Variants in NPAS3 observed in about 807,000 individuals in gnomAD.
The protein encoded by NPAS3 is neuronal PAS domain protein 3, also known as neuronal PAS domain-containing protein 3.
A neutral mutation model predicts 73.1 loss-of-function variants in NPAS3; 14 were observed. That is an observed-to-expected ratio of 0.19 (90% CI 0.13 to 0.30). The LOEUF is 0.30. Among genes scored for constraint, NPAS3 ranks in the 10% least tolerant of loss-of-function variants. The probability of loss-of-function intolerance (pLI) is 1.00; values close to 1 mark genes in which losing one functional copy is unlikely to be tolerated. For synonymous variants in NPAS3, 620 were observed against 541.5 expected (o/e 1.14, Z -2.01); for missense variants, 1,096 against 1,250.0 (o/e 0.88, Z 1.86).
intron 5 of NPAS3, among the ~76,000 whole-genome samples, chr14:33,563,513 T>C (rs7149690): frequency 7.4e-4 from 19 of 25,762 alleles, no homozygotes; most frequent in African/African-American, 2.4e-3. Context: ...CAGATACACA[T>C]ACATACACAC....
chr14:33,630,258 A>G (rs2058341949), intron 5 of NPAS3, among the ~76,000 whole-genome samples: 1 of 152,204 alleles, frequency 6.6e-6, no homozygotes, highest in African/African-American at 2.4e-5. Flanking sequence ...TCTCTTTTGC[A>G]CAACTTGTGG....
At position 33,307,593 on chromosome 14, in the gene NPAS3, A is replaced by ATGTGTG. The variant is rs10528551; in HGVS notation, c.386-59579_386-59574dup. Among the ~76,000 whole-genome samples, 733 of 139,028 alleles carry ATGTGTG rather than the reference A, an allele frequency of 5.3e-3. 9 individuals carry two copies. The highest frequency in any genetic ancestry group is 0.019 in the African/African-American group (701 of 37,248). 91.2% of individuals were successfully genotyped at this position (139,028 alleles called of 152,430 possible). On this transcript the variant is annotated intron_variant, in intron 3 of 11. Transcript: ENST00000356141. Reference sequence around the variant, plus strand: ...TTTCACCTCACCAGGTTTTTTTTCAATGTGTGTGTGTGTGTGTGTTCGTGT... The same window carrying ATGTGTG: ...TTTCACCTCACCAGGTTTTTTTTCAATGTGTGTGTGTGTGTGTGTGTGTGTTCGTGT...
At chr14:33,073,958 T>G (rs2041572020) in intron 2 of NPAS3, among the ~76,000 whole-genome samples, 1 of 152,076 alleles carries the variant, frequency 6.6e-6, no homozygotes, top group Non-Finnish European at 1.5e-5. Context: ...GAACATGGGG[T>G]GGGGTAGAGG....
intron 3 of NPAS3, among the ~76,000 whole-genome samples, chr14:33,288,893 T>C (rs1449329163): frequency 1.3e-5 from 2 of 152,090 alleles, no homozygotes; most frequent in Non-Finnish European, 2.9e-5. Flanking sequence ...TGAACCAACG[T>C]TGGGGAGTGC....
At chr14:33,090,754 C>A (rs1020573862) in intron 2 of NPAS3, among the ~76,000 whole-genome samples, 2 of 152,198 alleles carry the variant, frequency 1.3e-5, no homozygotes, top group African/African-American at 4.8e-5. Flanking sequence ...GGAAGTAAAG[C>A]ACTCCTTAGC....
intron 1 of NPAS3, among the ~76,000 whole-genome samples, chr14:32,944,369 A>C (rs934133846): frequency 3.3e-5 from 5 of 152,236 alleles, no homozygotes; most frequent in African/African-American, 1.2e-4. Context: ...GCTGAAACTT[A>C]GTAAATAAGT....
downstream of NPAS3, chr14:33,801,139 CCCGCTTG>C: frequency 3.9e-6 from 6 of 1,548,390 alleles, no homozygotes; most frequent in Admixed American, 4.1e-5. Context: ...CCGGCCAGGC[CCCGCTTG>C]GAGGAGGCAT....
chr14:32,955,073 C>T (rs1473561716), intron 1 of NPAS3, among the ~76,000 whole-genome samples: 1 of 151,938 alleles, frequency 6.6e-6, no homozygotes, highest in African/African-American at 2.4e-5. Flanking sequence ...TTGTATGTAC[C>T]ATAAGTTGTT....
intron 3 of NPAS3, among the ~76,000 whole-genome samples, chr14:33,257,949 T>A (rs1242512649): frequency 6.6e-6 from 1 of 152,210 alleles, no homozygotes; most frequent in Non-Finnish European, 1.5e-5. Flanking sequence ...AAAGATTATA[T>A]CTCAAGAGAT....
At position 33,221,959 on chromosome 14, in the gene NPAS3, G is replaced by A. The variant is rs371286530; in HGVS notation, c.385+6533G>A. Among the ~76,000 whole-genome samples the A allele has an allele frequency of 1.8e-4, 28 of 152,106 alleles. No individual in the cohort carries two copies. The East Asian group carries it at 4.7e-3, about 25-fold the overall frequency. On this transcript the variant is annotated intron_variant, in intron 3 of 11. Transcript: ENST00000356141. ...TTTAATCAAAATTTTACATCACATG[G>A]GAGCGCTCAGAAATGAAGACCCAGA...
chr14:32,941,356 C>T (rs1026202336), intron 1 of NPAS3, among the ~76,000 whole-genome samples: 1 of 129,856 alleles, frequency 7.7e-6, no homozygotes, highest in Non-Finnish European at 1.6e-5. Flanking sequence ...TCCTTCTTCC[C>T]AGTTCTGTTG....
chr14:33,551,698 A>G (rs938133865), intron 4 of NPAS3, among the ~76,000 whole-genome samples: 5 of 152,188 alleles, frequency 3.3e-5, no homozygotes, highest in African/African-American at 1.2e-4. Context: ...CCAGTCTTAC[A>G]TACCAGCTGC....
intron 2 of NPAS3, among the ~76,000 whole-genome samples, chr14:33,212,574 C>T (rs1644176548): frequency 6.6e-6 from 1 of 152,184 alleles, no homozygotes; most frequent in African/African-American, 2.4e-5. Context: ...TGCTTATTCC[C>T]TTCCCTGAAT....
rs551599077 is a variant in NPAS3, at chr14:33,507,135, T to C, written c.469-52986T>C. ...CATTTTGTAGAATGTAATGAGCATG[T>C]GGAGTTTGTCACACCCCAACCCAAA... On this transcript the variant is annotated intron_variant, in intron 4 of 11. Coordinates refer to ENST00000356141, the Ensembl canonical transcript of NPAS3. Among the ~76,000 whole-genome samples the C allele has an allele frequency of 2.0e-5, 3 of 152,116 alleles. No individual in the cohort carries two copies. The East Asian group carries it at 5.8e-4, about 30-fold the overall frequency.
rs76701223 is a variant in NPAS3, at chr14:33,649,369, T to C, written c.559-26842T>C. ...AGAGACATGACGCTGGAAACCAGCA[T>C]AGTTACACCATCGAGGGTTGCACAG... On this transcript the variant is annotated intron_variant, in intron 5 of 11. Transcript: ENST00000356141. 3.8e-3 allele frequency among the ~76,000 whole-genome samples: 582 copies of C among 152,324 alleles called. 2 individuals are homozygous for C. Among genetic ancestry groups the C allele is most frequent in the African/African-American group, 0.013 (549 of 41,574 alleles).
chr14:33,559,862 T>C (rs912775373), intron 4 of NPAS3, among the ~76,000 whole-genome samples: 3 of 151,832 alleles, frequency 2.0e-5, no homozygotes, highest in African/African-American at 7.3e-5. Context: ...CTACTAAAAA[T>C]ACAAAAATTA....
At chr14:33,561,008 A>G (rs956210021) in intron 5 of NPAS3, among the ~76,000 whole-genome samples, 2 of 152,200 alleles carry the variant, frequency 1.3e-5, no homozygotes, top group Admixed American at 1.3e-4. Flanking sequence ...TTGCGCCCAT[A>G]CAGGTGATTG....
At chr14:33,792,337 G>A (rs1247489579) in intron 9 of NPAS3, among the ~76,000 whole-genome samples, 2 of 151,978 alleles carry the variant, frequency 1.3e-5, no homozygotes, top group Non-Finnish European at 2.9e-5. Context: ...TCAAAGTGAG[G>A]CTTTTTCAAG....
At chr14:33,028,993 A>G (rs1444941342) in intron 1 of NPAS3, among the ~76,000 whole-genome samples, 1 of 151,904 alleles carries the variant, frequency 6.6e-6, no homozygotes, top group African/African-American at 2.4e-5. Context: ...CCCGCCCCTG[A>G]TGGGGGAGGT....
Sources: allele counts gnomAD v4.1 joint callset (sites outside exome capture counted in the v4.1 genomes callset), GRCh38; gene constraint gnomAD v4.1.1; transcripts MANE v1.5; gene names NCBI Gene and HGNC (gene_info 2026-07-23, HGNC 2026-07-21).